OXSR1: variants seen among roughly 807,000 people sequenced by gnomAD.
OXSR1 encodes serine/threonine-protein kinase OSR1.
OXSR1 carries 24 observed loss-of-function variants against 79.8 expected under a neutral mutation model. That is an observed-to-expected ratio of 0.30 (90% CI 0.22 to 0.42). The LOEUF (loss-of-function observed/expected upper bound fraction) is 0.42. Ranked by LOEUF, OXSR1 falls within the 10% of genes least tolerant of loss-of-function variation. The probability of loss-of-function intolerance (pLI) is 1.00; values close to 1 mark genes in which losing one functional copy is unlikely to be tolerated. For missense variants in OXSR1, 430 were observed against 618.4 expected (o/e 0.70, Z 3.23); for synonymous variants, 226 against 209.2 (o/e 1.08, Z -0.69).
At chr3:38,183,425 CTG>C (rs1701824124) in intron 2 of OXSR1, among the ~76,000 whole-genome samples, 1 of 152,090 alleles carries the variant, frequency 6.6e-6, no homozygotes, top group South Asian at 2.1e-4. Flanking sequence ...AGAACTTTTT[CTG>C]TGTCTGTAAA....
At chr3:38,197,718 G>C (rs1206835094) in intron 3 of OXSR1, among the ~76,000 whole-genome samples, 1 of 152,132 alleles carries the variant, frequency 6.6e-6, no homozygotes, top group East Asian at 1.9e-4. Flanking sequence ...TCATGTTTTT[G>C]AGAATTCCAT....
At chr3:38,182,787 T>C (rs1284216643) in intron 1 of OXSR1, among the ~76,000 whole-genome samples, 1 of 152,196 alleles carries the variant, frequency 6.6e-6, no homozygotes, top group African/African-American at 2.4e-5. Flanking sequence ...ATACTAGCAG[T>C]TTAGATATTT....
chr3:38,210,277 C>A (rs148662038), intron 4 of OXSR1, among the ~76,000 whole-genome samples: 4 of 152,102 alleles, frequency 2.6e-5, no homozygotes, highest in Non-Finnish European at 4.4e-5. Context: ...CAGTTCCCCC[C>A]CAAGGTGAGA....
chr3:38,230,691 T>C (rs566882345), intron 10 of OXSR1: 1 of 332,496 alleles, frequency 3.0e-6, no homozygotes, highest in South Asian at 3.8e-5. Context: ...TTGATAACTG[T>C]TTCCAGCTAC....
intron 4 of OXSR1, among the ~76,000 whole-genome samples, chr3:38,205,809 T>C (rs534303794): frequency 1.3e-5 from 2 of 152,344 alleles, no homozygotes; most frequent in Admixed American, 6.5e-5. Flanking sequence ...CAGAACCCCA[T>C]AGAGTCTCAG....
At chr3:38,198,622 A>G in intron 3 of OXSR1, 100 bp from the exon 4 acceptor site, 1 of 787,798 alleles carries the variant, frequency 1.3e-6, no homozygotes, top group South Asian at 2.5e-5. Context: ...CTGCACAGTT[A>G]AGTTTATGAG....
chr3:38,227,240 A>G (rs984835773), intron 8 of OXSR1, among the ~76,000 whole-genome samples: 2 of 152,144 alleles, frequency 1.3e-5, no homozygotes, highest in Non-Finnish European at 2.9e-5. Context: ...CACTTAACAT[A>G]TATTGTTTAA....
At chr3:38,177,229 T>G (rs1322557493) in intron 1 of OXSR1, among the ~76,000 whole-genome samples, 3 of 152,228 alleles carry the variant, frequency 2.0e-5, no homozygotes, top group Non-Finnish European at 4.4e-5. Context: ...TTCCGTGGTG[T>G]TTCCAAGAGT....
At chr3:38,209,435 CT>C (rs1702339855) in intron 4 of OXSR1, among the ~76,000 whole-genome samples, 2 of 151,628 alleles carry the variant, frequency 1.3e-5, no homozygotes, top group African/African-American at 4.8e-5. Flanking sequence ...GCATTGGGAC[CT>C]TTTTAAAAGT....
At chr3:38,249,708 T>G (rs1703216516) in intron 14 of OXSR1, among the ~76,000 whole-genome samples, 1 of 152,140 alleles carries the variant, frequency 6.6e-6, no homozygotes, top group African/African-American at 2.4e-5. Flanking sequence ...AGTGGGCATA[T>G]AAGAATCTAC....
chr3:38,206,893 A>G (rs1250973551), intron 4 of OXSR1, among the ~76,000 whole-genome samples: 2 of 152,308 alleles, frequency 1.3e-5, no homozygotes, highest in East Asian at 3.9e-4. Context: ...AAGTTATTTA[A>G]TCTCTCTTTT....
At chr3:38,186,193 A>G (rs928470081) in intron 2 of OXSR1, among the ~76,000 whole-genome samples, 2 of 152,096 alleles carry the variant, frequency 1.3e-5, no homozygotes, top group Admixed American at 6.6e-5. Context: ...ATTTTATTTG[A>G]TAGGAAATAT....
At chr3:38,239,293 C>G (rs534486446) in intron 11 of OXSR1, among the ~76,000 whole-genome samples, 1 of 152,220 alleles carries the variant, frequency 6.6e-6, no homozygotes, top group African/African-American at 2.4e-5. Flanking sequence ...CTCTCCACAT[C>G]TAGTAATCTG....
chr3:38,186,815 A>T (rs1354279538), intron 2 of OXSR1, among the ~76,000 whole-genome samples: 1 of 152,188 alleles, frequency 6.6e-6, no homozygotes, highest in Admixed American at 6.5e-5. Context: ...TATTATCTTG[A>T]GTATATACCT....
intron 12 of OXSR1, 116 bp from the exon 13 acceptor site, chr3:38,245,959 G>A: frequency 2.3e-6 from 2 of 866,556 alleles, no homozygotes; most frequent in Non-Finnish European, 1.9e-6. Flanking sequence ...CACAAAACCT[G>A]TACACTACCC....
At chr3:38,205,379 G>A (rs1057160104) in intron 4 of OXSR1, among the ~76,000 whole-genome samples, 5 of 152,140 alleles carry the variant, frequency 3.3e-5, no homozygotes, top group South Asian at 4.1e-4. Context: ...TCTTTCTGTG[G>A]GTTTAGAAAT....
At chr3:38,221,797 T>C (rs561186362) in intron 6 of OXSR1, 110 bp downstream of exon 6, 2 of 624,070 alleles carry the variant, frequency 3.2e-6, no homozygotes, top group African/African-American at 1.8e-5. Context: ...TTGGGAAACA[T>C]GTCCCTGTTC....
At position 38,253,104 on chromosome 3, in the gene OXSR1, G is replaced by GTT; in HGVS notation, c.*214_*215dup. ...TAGTGGCCAGCATCCCCAGAGTTCC[G>GTT]TTAGTAAACTTACTTCATATGTCCC... On this transcript the variant is annotated 3_prime_UTR_variant, in exon 18 of 18. Coordinates refer to ENST00000311806, the MANE Select transcript of OXSR1 (RefSeq NM_005109.3). 1.8e-6 allele frequency: 1 copy of GTT among 562,958 alleles called. No individual in the cohort carries two copies. The highest frequency in any genetic ancestry group is 3.2e-6 in the Non-Finnish European group (1 of 316,214). The allele number at this position is 562,958 out of a possible 1,614,324, so 34.9% of individuals were successfully genotyped here. A position where few individuals can be genotyped will look rare whatever the true frequency, so the allele number is the denominator to read the frequency against.
chr3:38,230,077 T>TA (rs939274662), intron 9 of OXSR1, among the ~76,000 whole-genome samples: 1 of 152,182 alleles, frequency 6.6e-6, no homozygotes, highest in Non-Finnish European at 1.5e-5. Flanking sequence ...AGTAGGATGT[T>TA]ACTGTAGTTG....
Sources: allele counts gnomAD v4.1 joint callset (sites outside exome capture counted in the v4.1 genomes callset), GRCh38; gene constraint gnomAD v4.1.1; transcripts MANE v1.5; gene names NCBI Gene and HGNC (gene_info 2026-07-23, HGNC 2026-07-21).